Variants in RAB3IL1 observed in about 807,000 individuals in gnomAD.
RAB3IL1 encodes RAB3A interacting protein like 1, also known as guanine nucleotide exchange factor for Rab-3A.
In RAB3IL1, 37 loss-of-function variants were observed where a neutral mutation model predicts 49.2. That is an observed-to-expected ratio of 0.75 (90% CI 0.58 to 0.99). The LOEUF is 0.99. Among genes scored for constraint, RAB3IL1 ranks in the 50% least tolerant of loss-of-function variants. The pLI is 0.00. For missense variants in RAB3IL1, 484 were observed against 513.0 expected (o/e 0.94, Z 0.55); for synonymous variants, 193 against 213.9 (o/e 0.90, Z 0.85).
upstream of RAB3IL1, chr11:61,920,136 G>T: frequency 7.4e-7 from 1 of 1,345,110 alleles, no homozygotes; most frequent in Non-Finnish European, 9.6e-7. Context: ...TCATGGCCAG[G>T]AACACGGGAC....
chr11:61,935,767 G>A, the RAB3IL1 span, among the ~76,000 whole-genome samples: 6 of 151,876 alleles, frequency 4.0e-5, no homozygotes, highest in South Asian at 2.1e-4. Context: ...CACCTACCTC[G>A]GCCTCCCAAA....
chr11:61,912,704 C>T (rs1939509194), intron 1 of RAB3IL1, among the ~76,000 whole-genome samples: 1 of 151,940 alleles, frequency 6.6e-6, no homozygotes, highest in Admixed American at 6.6e-5. Flanking sequence ...GGCCTGTCAC[C>T]CAGAGGAAAG....
At chr11:61,900,571 G>A (rs1223042254) in intron 8 of RAB3IL1, among the ~76,000 whole-genome samples, 1 of 152,178 alleles carries the variant, frequency 6.6e-6, no homozygotes, top group Admixed American at 6.5e-5. Flanking sequence ...GGAGGGTGGG[G>A]CAGGGCAGAG....
At chr11:61,939,976 G>A in the RAB3IL1 span, among the ~76,000 whole-genome samples, 8 of 148,910 alleles carry the variant, frequency 5.4e-5, no homozygotes, top group African/African-American at 1.2e-4. Context: ...AAAAAGGAAC[G>A]AAAGTAGAAA....
rs750995645 is a variant in RAB3IL1 at position 61,909,536 on chromosome 11, G to A, written c.12-1230C>T. On this transcript the variant is annotated intron_variant, in intron 1 of 9. Transcript: ENST00000394836. ...CCCACCTGCCCTCTGCTCTGGAACC[G>A]GCCCAGAGTGTGGCCTCAAGGCTCC... Among the ~76,000 whole-genome samples the A allele has an allele frequency of 6.6e-5, 10 of 152,236 alleles. No individual in the cohort carries two copies. In the South Asian group the frequency reaches 1.2e-3, roughly 19 times the overall value.
At chr11:61,933,762 T>C in the RAB3IL1 span, among the ~76,000 whole-genome samples, 2 of 151,984 alleles carry the variant, frequency 1.3e-5, no homozygotes, top group African/African-American at 4.8e-5. Context: ...CACGGCAACA[T>C]GGCGAAACCC....
At chr11:61,941,788 T>C in the RAB3IL1 span, among the ~76,000 whole-genome samples, 6 of 152,086 alleles carry the variant, frequency 3.9e-5, no homozygotes, top group Middle Eastern at 6.8e-3. Flanking sequence ...ATATCCCTTA[T>C]GAATATAGAT....
the RAB3IL1 span, among the ~76,000 whole-genome samples, chr11:61,927,987 A>G: frequency 6.6e-6 from 1 of 152,140 alleles, no homozygotes; most frequent in African/African-American, 2.4e-5. Context: ...TAAGGAGTTC[A>G]AACTTTATAC....
chr11:61,916,515 C>T (rs1405060672), intron 1 of RAB3IL1, among the ~76,000 whole-genome samples: 2 of 152,154 alleles, frequency 1.3e-5, no homozygotes, highest in African/African-American at 2.4e-5. Context: ...GGGGGGCTTC[C>T]CTCACTCCCC....
intron 5 of RAB3IL1, among the ~76,000 whole-genome samples, chr11:61,905,664 C>T (rs1939148437): frequency 7.4e-6 from 1 of 134,450 alleles, no homozygotes; most frequent in Non-Finnish European, 1.8e-5. Context: ...TGAGGGCCTG[C>T]TCGTCTTCCC....
the RAB3IL1 span, among the ~76,000 whole-genome samples, chr11:61,944,195 TC>T: frequency 9.2e-6 from 1 of 108,540 alleles, no homozygotes; most frequent in African/African-American, 3.0e-5. Flanking sequence ...TTCCTTCCCT[TC>T]CTTCCTTTCC....
chr11:61,911,733 G>A (rs992483981), intron 1 of RAB3IL1, among the ~76,000 whole-genome samples: 1 of 152,176 alleles, frequency 6.6e-6, no homozygotes, highest in Non-Finnish European at 1.5e-5. Flanking sequence ...AGGAGTCAAG[G>A]TCAGAGGTAG....
chr11:61,921,652 G>A (rs187035348), upstream of RAB3IL1, among the ~76,000 whole-genome samples: 592 of 152,248 alleles, frequency 3.9e-3, 4 homozygotes, highest in African/African-American at 0.013. Context: ...TGGCCCTCTG[G>A]GCAGAGGCTG....
chr11:61,925,185 C>T (rs562041289), upstream of RAB3IL1, among the ~76,000 whole-genome samples: 1 of 152,306 alleles, frequency 6.6e-6, no homozygotes, highest in South Asian at 2.1e-4. Flanking sequence ...AGGATTTGGC[C>T]AATGGCTAAC....
upstream of RAB3IL1, chr11:61,920,188 T>C: frequency 1.6e-6 from 2 of 1,272,662 alleles, no homozygotes; most frequent in Non-Finnish European, 2.0e-6. Context: ...CTCAGAAGAG[T>C]CCATGCTTGC....
intron 1 of RAB3IL1, 124 bp from the exon 2 acceptor site, chr11:61,908,430 T>C: frequency 9.0e-7 from 1 of 1,110,494 alleles, no homozygotes; most frequent in Non-Finnish European, 1.2e-6. Flanking sequence ...ATCTGAAAAC[T>C]GGGACCCTAC....
chr11:61,908,097 T>C lies in RAB3IL1; in HGVS notation c.221A>G (p.Lys74Arg), dbSNP rs1189505527. 1.9e-6 allele frequency: 3 copies of C among 1,611,080 alleles called. No individual in the cohort carries two copies. The highest frequency in any genetic ancestry group is 1.7e-6 in the Non-Finnish European group (2 of 1,179,500). Residue 74 changes from lysine (K) to arginine (R), a missense_variant, in exon 2 of 10, where the codon AAG becomes AGG. Transcript: ENST00000394836. ...LRSSSMEIRE[K>R]GSEFLKEELH... ...CTCCTCCTTCAGGAACTCGGAGCCCTTCTCTCGGATCTCCATGGAAGAGCT... is the reference window on the plus strand; with the variant it reads ...CTCCTCCTTCAGGAACTCGGAGCCCCTCTCTCGGATCTCCATGGAAGAGCT...
At chr11:61,920,189 C>G (rs766729954), upstream of RAB3IL1, 26 of 1,273,786 alleles carry the variant, frequency 2.0e-5, no homozygotes, top group Non-Finnish European at 2.6e-5. Flanking sequence ...TCAGAAGAGT[C>G]CATGCTTGCA....
chr11:61,918,346 C>G (rs1296197677), upstream of RAB3IL1, among the ~76,000 whole-genome samples: 2 of 152,256 alleles, frequency 1.3e-5, no homozygotes, highest in Non-Finnish European at 2.9e-5. Flanking sequence ...GGTACCATGG[C>G]TCCCACCTTC....
Sources: allele counts gnomAD v4.1 joint callset (sites outside exome capture counted in the v4.1 genomes callset), GRCh38; gene constraint gnomAD v4.1.1; transcripts MANE v1.5; gene names NCBI Gene and HGNC (gene_info 2026-07-23, HGNC 2026-07-21).